LOXL2: variants seen among roughly 807,000 people sequenced by gnomAD.
The protein encoded by LOXL2 is lysyl oxidase homolog 2.
In LOXL2, 70 loss-of-function variants were observed where a neutral mutation model predicts 93.0. The observed-to-expected ratio is 0.75, with a 90% CI of 0.62 to 0.92. The LOEUF (loss-of-function observed/expected upper bound fraction) is 0.92. Among genes scored for constraint, LOXL2 ranks in the 40% least tolerant of loss-of-function variants. The pLI is 0.00. For synonymous variants in LOXL2, 438 were observed against 413.2 expected (o/e 1.06, Z -0.73); for missense variants, 973 against 1,054.9 (o/e 0.92, Z 1.08).
chr8:23,320,516 C>G (rs1257380835), intron 7 of LOXL2, among the ~76,000 whole-genome samples: 2 of 152,246 alleles, frequency 1.3e-5, no homozygotes, highest in African/African-American at 4.8e-5. Context: ...GCCTGTTTGA[C>G]AACCCCACTT....
At chr8:23,378,435 C>A (rs9694324) in intron 1 of LOXL2, among the ~76,000 whole-genome samples, 88,832 of 151,712 alleles carry the variant, frequency 0.59, 26,915 homozygotes, top group African/African-American at 0.74. Flanking sequence ...TGCTCTTCTC[C>A]AGGAGTATCT....
chr8:23,379,171 G>C (rs28834177), intron 1 of LOXL2, among the ~76,000 whole-genome samples: 13,489 of 152,274 alleles, frequency 0.089, 854 homozygotes, highest in African/African-American at 0.18. Flanking sequence ...ACCCTCAGCT[G>C]CAGGTCTGTT....
At chr8:23,313,066 T>A (rs895705190) in intron 9 of LOXL2, among the ~76,000 whole-genome samples, 1 of 151,360 alleles carries the variant, frequency 6.6e-6, no homozygotes, top group Admixed American at 6.6e-5. Context: ...TCAAAGAGAA[T>A]AAAATACCTA....
At chr8:23,319,597 G>A (rs545751638) in intron 8 of LOXL2, among the ~76,000 whole-genome samples, 127 of 152,242 alleles carry the variant, frequency 8.3e-4, no homozygotes, top group Non-Finnish European at 1.3e-3. Context: ...TGAGCCCAGG[G>A]TGAACCCCAG....
At chr8:23,386,716 G>A (rs1032643960) in intron 1 of LOXL2, among the ~76,000 whole-genome samples, 1 of 152,106 alleles carries the variant, frequency 6.6e-6, no homozygotes, top group Admixed American at 6.5e-5. Flanking sequence ...ATCTGCTCCA[G>A]TGAAGTCACC....
At chr8:23,307,121 G>A (rs1037812313) in intron 10 of LOXL2, among the ~76,000 whole-genome samples, 1 of 152,178 alleles carries the variant, frequency 6.6e-6, no homozygotes, top group Non-Finnish European at 1.5e-5. Context: ...CCTTCAGAGT[G>A]TCTGCAAATC....
chr8:23,301,299 T>C (rs3808527), intron 12 of LOXL2, among the ~76,000 whole-genome samples: 66,180 of 152,050 alleles, frequency 0.44, 14,978 homozygotes, highest in East Asian at 0.72. Context: ...AGGGACACAA[T>C]GCCCCTTTTC....
intron 1 of LOXL2, among the ~76,000 whole-genome samples, chr8:23,387,877 A>G (rs58524984): frequency 0.1 from 15,525 of 152,076 alleles, 848 homozygotes; most frequent in East Asian, 0.22. Context: ...TTGAACCCGG[A>G]AGGCAGAGGT....
intron 1 of LOXL2, among the ~76,000 whole-genome samples, chr8:23,380,636 GT>G (rs111948738): frequency 0.049 from 7,477 of 151,378 alleles, 515 homozygotes; most frequent in African/African-American, 0.16. Flanking sequence ...TACTCTTAAA[GT>G]TTTTTTTTGT....
chr8:23,360,895 T>G (rs888821310), intron 2 of LOXL2, among the ~76,000 whole-genome samples: 3 of 150,926 alleles, frequency 2.0e-5, no homozygotes, highest in Admixed American at 1.3e-4. Context: ...GTTTGTGGGG[T>G]TTTTTTTGTT....
At chr8:23,320,161 G>A (rs537986175) in intron 7 of LOXL2, 109 bp from the exon 8 acceptor site, 33 of 1,164,414 alleles carry the variant, frequency 2.8e-5, no homozygotes, top group African/African-American at 4.6e-5. Flanking sequence ...GGTGCTGCCC[G>A]GGACACACTC....
At chr8:23,402,097 C>A (rs1017987685) in intron 1 of LOXL2, among the ~76,000 whole-genome samples, 1 of 151,986 alleles carries the variant, frequency 6.6e-6, no homozygotes, top group Non-Finnish European at 1.5e-5. Flanking sequence ...TGCAAACATG[C>A]ACACAAACAC....
chr8:23,338,702 G>A (rs1035273896), intron 4 of LOXL2, among the ~76,000 whole-genome samples: 3 of 152,218 alleles, frequency 2.0e-5, no homozygotes, highest in African/African-American at 7.2e-5. Flanking sequence ...ACTGCTTCAA[G>A]GGCCGGGCAG....
intron 3 of LOXL2, among the ~76,000 whole-genome samples, chr8:23,356,841 G>A (rs562821727): frequency 2.0e-5 from 3 of 152,264 alleles, no homozygotes; most frequent in East Asian, 1.9e-4. Flanking sequence ...ATTTGTGAGG[G>A]CCCATGCTCC....
Position 23,333,390 on chromosome 8 carries a change from C to A in LOXL2, c.966+11G>T. The stretch of plus-strand genomic sequence containing the variant: ...GGTGCCAAGTGGCCACACCTCGTGC[C>A]CCGTCCTCACCTCTGGCTTGTACGC... On this transcript the variant is annotated intron_variant, in intron 5 of 13. Transcript: ENST00000389131. 1 of 1,613,344 alleles carries A rather than the reference C, an allele frequency of 6.2e-7. No homozygotes were observed. The highest frequency in any genetic ancestry group is 8.5e-7 in the Non-Finnish European group (1 of 1,179,684).
At chr8:23,333,666 G>C (rs948085483) in intron 4 of LOXL2, 43 bp from the exon 5 acceptor site, 1 of 1,496,480 alleles carries the variant, frequency 6.7e-7, no homozygotes. Context: ...GCATCATGAC[G>C]CCTACCCCGA....
intron 8 of LOXL2, among the ~76,000 whole-genome samples, chr8:23,319,388 G>A (rs1396635494): frequency 6.6e-6 from 1 of 152,074 alleles, no homozygotes; most frequent in Non-Finnish European, 1.5e-5. Flanking sequence ...AAGGCTTGGA[G>A]ATTCCCTAGC....
intron 4 of LOXL2, among the ~76,000 whole-genome samples, chr8:23,338,187 C>G (rs1244333688): frequency 6.6e-6 from 1 of 152,224 alleles, no homozygotes; most frequent in Non-Finnish European, 1.5e-5. Flanking sequence ...GAAAAACCCA[C>G]ACCCATGATT....
Position 23,297,092 on chromosome 8 carries a change from G to GT in LOXL2, c.*950dup, listed in dbSNP as rs1337054251. 1.3e-5 allele frequency: 2 copies of GT among 152,190 alleles called. No homozygotes were observed. Among genetic ancestry groups the GT allele is most frequent in the Admixed American group, 6.5e-5 (1 of 15,288 alleles). The allele number at this position is 152,190 out of a possible 1,614,324, so 9.4% of individuals were successfully genotyped here. ...ATGTCCACCGGAGAAAACCACGAAT[G>GT]TACCTGAAGCTCTGCTTCTGGCCAC... On this transcript the variant is annotated 3_prime_UTR_variant, in exon 14 of 14. Coordinates refer to ENST00000389131, the MANE Select transcript of LOXL2 (RefSeq NM_002318.3).
Sources: allele counts gnomAD v4.1 joint callset (sites outside exome capture counted in the v4.1 genomes callset), GRCh38; gene constraint gnomAD v4.1.1; transcripts MANE v1.5; gene names NCBI Gene and HGNC (gene_info 2026-07-23, HGNC 2026-07-21).